Variants in CSRNP3 observed in about 807,000 individuals in gnomAD.
The protein encoded by CSRNP3 is cysteine and serine rich nuclear protein 3.
CSRNP3 carries 12 observed loss-of-function variants against 48.0 expected under a neutral mutation model. That is an observed-to-expected ratio of 0.25 (90% CI 0.16 to 0.41). CSRNP3 has a LOEUF of 0.41. Ranked by LOEUF, CSRNP3 falls within the 10% of genes least tolerant of loss-of-function variation. The probability of loss-of-function intolerance (pLI) is 1.00; values close to 1 mark genes in which losing one functional copy is unlikely to be tolerated. For missense variants in CSRNP3, 580 were observed against 724.4 expected, an observed-to-expected ratio of 0.80 and a Z score of 2.29; for synonymous variants, 263 against 269.7, an observed-to-expected ratio of 0.98 and a Z score of 0.24.
At position 165,588,276 on chromosome 2, in the gene CSRNP3, G is replaced by A. The variant is rs1441595412; in HGVS notation, c.-23-6767G>A. On this transcript the variant is annotated intron_variant, in intron 3 of 6. Coordinates refer to ENST00000651982, the MANE Select transcript of CSRNP3 (RefSeq NM_001172173.2). ...CCAGTGGCTCAAATGAGGATGAAGA[G>A]GTTAGACAAGCTAGATTGTTAAGGA... Among the ~76,000 whole-genome samples, 3 of 152,120 alleles carry A rather than the reference G, an allele frequency of 2.0e-5. No individual in the cohort carries two copies. The South Asian group carries it at 6.2e-4, about 32-fold the overall frequency.
intron 1 of CSRNP3, among the ~76,000 whole-genome samples, chr2:165,486,367 G>A (rs1684117072): frequency 2.0e-5 from 3 of 151,348 alleles, no homozygotes; most frequent in South Asian, 4.2e-4. Context: ...GAGGCTGGGG[G>A]AGGGGCGCCC....
At chr2:165,636,759 T>C (rs1312625321) in intron 4 of CSRNP3, among the ~76,000 whole-genome samples, 1 of 152,202 alleles carries the variant, frequency 6.6e-6, no homozygotes, top group Non-Finnish European at 1.5e-5. Flanking sequence ...CATTCTAAAA[T>C]TTCATCATGC....
chr2:165,654,959 A>C (rs1266613626), intron 4 of CSRNP3, among the ~76,000 whole-genome samples: 1 of 152,216 alleles, frequency 6.6e-6, no homozygotes, highest in African/African-American at 2.4e-5. Context: ...TATCCCAATC[A>C]TCTAGAAAGT....
At chr2:165,511,768 C>G (rs1684509380) in intron 2 of CSRNP3, among the ~76,000 whole-genome samples, 1 of 152,084 alleles carries the variant, frequency 6.6e-6, no homozygotes, top group African/African-American at 2.4e-5. Flanking sequence ...GATAAGATTG[C>G]CAGGCACTAC....
intron 3 of CSRNP3, among the ~76,000 whole-genome samples, chr2:165,539,140 T>C (rs968370416): frequency 6.6e-6 from 1 of 152,014 alleles, no homozygotes; most frequent in Non-Finnish European, 1.5e-5. Context: ...GGTATATTTA[T>C]GTTTGTTGTA....
At chr2:165,544,523 T>C (rs963965801) in intron 3 of CSRNP3, among the ~76,000 whole-genome samples, 1 of 150,860 alleles carries the variant, frequency 6.6e-6, no homozygotes, top group African/African-American at 2.5e-5. Context: ...AAAAGTTGGC[T>C]GTAAAAGAGA....
Position 165,688,126 on chromosome 2 carries a change from A to G in CSRNP3, c.*8373A>G, listed in dbSNP as rs1410444119. 6.6e-6 allele frequency: 1 copy of G among 151,978 alleles called. No individual in the cohort carries two copies. The highest frequency in any genetic ancestry group is 1.5e-5 in the Non-Finnish European group (1 of 67,988). The allele number at this position is 151,978 out of a possible 1,614,324, so 9.4% of individuals were successfully genotyped here. A position where few individuals can be genotyped will look rare whatever the true frequency, so the allele number is the denominator to read the frequency against. On this transcript the variant is annotated 3_prime_UTR_variant, in exon 7 of 7. Transcript: ENST00000651982. ...TTTGGCCCATGTTTTAATTGACTCT[A>G]GGCACCTCTATTGAAATAAGTCTGA...
rs1246264462 is a variant in CSRNP3, at chr2:165,656,618, C to A, written c.149-1143C>A. Among the ~76,000 whole-genome samples, 3 of 152,104 alleles carry A rather than the reference C, an allele frequency of 2.0e-5. No individual in the cohort carries two copies. The South Asian group carries it at 6.2e-4, about 32-fold the overall frequency. ...TTTCATTTGTCCCAATGTATACTTG[C>A]ATTAGAATCCCATTGTTCATAATGC... On this transcript the variant is annotated intron_variant, in intron 4 of 6. Transcript: ENST00000651982.
At chr2:165,520,029 T>C (rs1684630483) in intron 3 of CSRNP3, among the ~76,000 whole-genome samples, 2 of 152,176 alleles carry the variant, frequency 1.3e-5, no homozygotes. Flanking sequence ...ATATATGTTG[T>C]AAATGTATGT....
chr2:165,589,760 G>A (rs565047764), intron 3 of CSRNP3, among the ~76,000 whole-genome samples: 1 of 152,196 alleles, frequency 6.6e-6, no homozygotes, highest in South Asian at 2.1e-4. Flanking sequence ...TTCTTGGGGA[G>A]GTGAGAAAGG....
In CSRNP3 at chr2:165,595,221, C is replaced by A; in HGVS notation, c.148+8C>A. ...CTTCTAGTCATTTTACCCGTGAGTA[C>A]TGAAATCAGAACCGAAGTCAATTGT... On this transcript the variant is annotated splice_region_variant and intron_variant, in intron 4 of 6. Coordinates refer to ENST00000651982, the MANE Select transcript of CSRNP3 (RefSeq NM_001172173.2). The A allele has an allele frequency of 6.3e-7, 1 of 1,599,748 alleles. No individual in the cohort carries two copies. Among genetic ancestry groups the A allele is most frequent in the Middle Eastern group, 1.7e-4 (1 of 5,996 alleles).
intron 4 of CSRNP3, among the ~76,000 whole-genome samples, chr2:165,642,907 A>T (rs908939973): frequency 1.3e-5 from 2 of 152,204 alleles, no homozygotes; most frequent in African/African-American, 2.4e-5. Context: ...TCTGTGCTGT[A>T]TTCTGTCATT....
chr2:165,493,813 C>G (rs1684251706), intron 1 of CSRNP3, among the ~76,000 whole-genome samples: 1 of 151,982 alleles, frequency 6.6e-6, no homozygotes, highest in South Asian at 2.1e-4. Context: ...TCTTGGTATC[C>G]TTGTTGCAAA....
rs1382751457 is a variant in CSRNP3, at chr2:165,680,793, C to G, written c.*1040C>G. On this transcript the variant is annotated 3_prime_UTR_variant, in exon 7 of 7. Transcript: ENST00000651982. ...TATGAAGGGAAAATGACCTATTTTC[C>G]TTCACCACTCTGAGGACCTAACTCA... is the stretch of plus-strand genomic sequence containing the variant. 6.6e-6 allele frequency: 1 copy of G among 151,994 alleles called. No individual in the cohort carries two copies. Among genetic ancestry groups the G allele is most frequent in the Non-Finnish European group, 1.5e-5 (1 of 67,998 alleles). The allele number at this position is 151,994 out of a possible 1,614,324, so 9.4% of individuals were successfully genotyped here.
intron 3 of CSRNP3, among the ~76,000 whole-genome samples, chr2:165,552,536 A>G (rs1193641242): frequency 6.6e-6 from 1 of 152,136 alleles, no homozygotes; most frequent in Non-Finnish European, 1.5e-5. Flanking sequence ...CTTTGTAGTT[A>G]CATCTCCTTT....
chr2:165,547,511 C>T (rs1215548649), intron 3 of CSRNP3, among the ~76,000 whole-genome samples: 3 of 151,914 alleles, frequency 2.0e-5, no homozygotes, highest in African/African-American at 4.8e-5. Context: ...TTTCAATTCA[C>T]GTTTCCTTGA....
chr2:165,557,206 T>A (rs1415003150), intron 3 of CSRNP3, among the ~76,000 whole-genome samples: 8 of 152,226 alleles, frequency 5.3e-5, no homozygotes, highest in Non-Finnish European at 1.0e-4. Context: ...TTTATTAAAT[T>A]CAAATTTTAA....
intron 2 of CSRNP3, among the ~76,000 whole-genome samples, chr2:165,502,431 C>G (rs538358094): frequency 6.6e-6 from 1 of 151,836 alleles, no homozygotes; most frequent in Non-Finnish European, 1.5e-5. Flanking sequence ...TATGCTTTAT[C>G]CTAACTAGAT....
chr2:165,517,197 A>G (rs1329647149), intron 2 of CSRNP3, among the ~76,000 whole-genome samples: 1 of 152,044 alleles, frequency 6.6e-6, no homozygotes, highest in Non-Finnish European at 1.5e-5. Flanking sequence ...GTAAATAAAA[A>G]GTATATATCA....
Sources: gnomAD v4.1 joint callset for allele counts (sites outside exome capture counted in the v4.1 genomes callset) on GRCh38, gnomAD v4.1.1 for gene constraint, MANE v1.5 for transcripts, NCBI Gene and HGNC (gene_info 2026-07-23, HGNC 2026-07-21) for gene names.